Variants in SEPTIN9 observed in about 807,000 individuals in gnomAD.
SEPTIN9 encodes septin-9.
SEPTIN9 carries 13 observed loss-of-function variants against 56.6 expected under a neutral mutation model. The ratio of observed to expected loss-of-function variants is 0.23; its 90% CI spans 0.15 to 0.37. The LOEUF is 0.37. Ranked by LOEUF, SEPTIN9 falls within the 10% of genes least tolerant of loss-of-function variation. The probability of loss-of-function intolerance (pLI) is 1.00; values close to 1 mark genes in which losing one functional copy is unlikely to be tolerated. For synonymous variants in SEPTIN9, 332 were observed against 334.1 expected, an observed-to-expected ratio of 0.99 and a Z score of 0.07; for missense variants, 650 against 823.1, an observed-to-expected ratio of 0.79 and a Z score of 2.57.
In SEPTIN9 at chr17:77,498,676, C is replaced by CCCCGGAG; in HGVS notation, c.*20_*21insCGGAGCC. Reference sequence around the variant, plus strand: ...AGATGTAGACGCCACCCTGCCCACCCCCGGGATCCTGCCCCCAAGTCATTT... The same window carrying CCCCGGAG: ...AGATGTAGACGCCACCCTGCCCACCCCCCGGAGCCGGGATCCTGCCCCCAAGTCATTT... On this transcript the variant is annotated 3_prime_UTR_variant, in exon 12 of 12. Coordinates refer to ENST00000427177, the MANE Select transcript of SEPTIN9 (RefSeq NM_001113491.2). The CCCCGGAG allele has an allele frequency of 3.3e-6, 5 of 1,525,766 alleles. No individual in the cohort carries two copies. In the South Asian group the frequency reaches 3.5e-5, roughly 11 times the overall value. 94.5% of individuals were successfully genotyped at this position (1,525,766 alleles called of 1,614,324 possible).
intron 3 of SEPTIN9, chr17:77,404,981 G>C (rs2036015312): frequency 4.4e-5 from 50 of 1,136,592 alleles, no homozygotes; most frequent in Non-Finnish European, 5.9e-5. Context: ...CAGGACCTTT[G>C]TTTGACGTGC....
intron 2 of SEPTIN9, among the ~76,000 whole-genome samples, chr17:77,349,273 T>C (rs2033983654): frequency 6.6e-6 from 1 of 151,996 alleles, no homozygotes; most frequent in African/African-American, 2.4e-5. Context: ...TGTGCCATCA[T>C]ACCCAGCTAA....
chr17:77,410,574 C>T (rs2036258885), intron 3 of SEPTIN9, among the ~76,000 whole-genome samples: 1 of 152,234 alleles, frequency 6.6e-6, no homozygotes. Context: ...GCCTGGGCTG[C>T]CGCCCCTGCC....
At chr17:77,312,182 T>C (rs1188432710) in intron 2 of SEPTIN9, among the ~76,000 whole-genome samples, 2 of 152,116 alleles carry the variant, frequency 1.3e-5, no homozygotes, top group Non-Finnish European at 2.9e-5. Context: ...CTGTGGCTCC[T>C]TCCCCTCCAC....
chr17:77,363,324 G>A (rs762014476), intron 2 of SEPTIN9, among the ~76,000 whole-genome samples: 162 of 151,690 alleles, frequency 1.1e-3, no homozygotes, highest in Non-Finnish European at 2.1e-3. Context: ...CAATCTCAAA[G>A]TGGGCCACCC....
At chr17:77,303,569 G>C (rs182698695) in intron 1 of SEPTIN9, among the ~76,000 whole-genome samples, 1 of 151,746 alleles carries the variant, frequency 6.6e-6, no homozygotes, top group African/African-American at 2.4e-5. Flanking sequence ...AAAATTAGCC[G>C]GAGCGTGATG....
intron 1 of SEPTIN9, among the ~76,000 whole-genome samples, chr17:77,303,497 C>T (rs1437554664): frequency 2.0e-5 from 3 of 150,504 alleles, no homozygotes; most frequent in Non-Finnish European, 3.0e-5. Context: ...GGCAGATCAC[C>T]TGAGGTCAGT....
At position 77,367,321 on chromosome 17, in the gene SEPTIN9, A is replaced by C. The variant is rs1310235676; in HGVS notation, c.77-34738A>C. ...GTCTGCTTGGTGGCTGGCAGAACGC[A>C]CATGAAGAATCCATGTGTGTTCTGA... is the stretch of plus-strand genomic sequence containing the variant. On this transcript the variant is annotated intron_variant, in intron 2 of 11. Coordinates refer to ENST00000427177, the MANE Select transcript of SEPTIN9 (RefSeq NM_001113491.2). This position sits in a 1 kb window ranked among gnomAD's most constrained non-coding sequence, Gnocchi z 4.5. Among the ~76,000 whole-genome samples the C allele has an allele frequency of 6.6e-6, 1 of 152,212 alleles. No homozygotes were observed. Among genetic ancestry groups the C allele is most frequent in the Non-Finnish European group, 1.5e-5 (1 of 68,034 alleles).
rs114920936 is a variant in SEPTIN9, at chr17:77,392,890, G to C, written c.77-9169G>C. ...TTCCTGGCTTCCCTTTGCAGGCTCC[G>C]CTCAGCTTCACTGCGCCTATTTTTA... On this transcript the variant is annotated intron_variant, in intron 2 of 11. Coordinates refer to ENST00000427177, the MANE Select transcript of SEPTIN9 (RefSeq NM_001113491.2). Among the ~76,000 whole-genome samples the C allele has an allele frequency of 8.7e-3, 1,327 of 152,158 alleles. 18 individuals are homozygous for C. Among genetic ancestry groups the C allele is most frequent in the African/African-American group, 0.03 (1,264 of 41,494 alleles).
In SEPTIN9 at chr17:77,402,445, G is replaced by A. The variant is rs368314747; in HGVS notation, c.463G>A (p.Val155Ile). The stretch of plus-strand genomic sequence containing the variant: ...CCCTCGGAGGACGGAGATCACCATC[G>A]TCAAACCCCAGGAGTCAGCCCACCG... ...PAPRRTEITI[V>I]KPQESAHRRM... Residue 155 changes from valine to isoleucine, a missense_variant, in exon 3 of 12, where the codon GTC becomes ATC. Coordinates refer to ENST00000427177, the MANE Select transcript of SEPTIN9 (RefSeq NM_001113491.2). The surrounding 1 kb of genome is among the most constrained non-coding windows in gnomAD (Gnocchi z 6.6). The A allele has an allele frequency of 1.1e-5, 17 of 1,610,224 alleles. No individual in the cohort carries two copies. In the South Asian group the frequency reaches 1.4e-4, roughly 14 times the overall value.
chr17:77,315,413 G>C (rs2032660528), intron 2 of SEPTIN9, among the ~76,000 whole-genome samples: 1 of 151,922 alleles, frequency 6.6e-6, no homozygotes, highest in African/African-American at 2.4e-5. Flanking sequence ...TCAGCCTTCT[G>C]AATAGCTGGG....
rs531762673 is a variant in SEPTIN9 at position 77,396,519 on chromosome 17, C to A, written c.77-5540C>A. ...TGTAAAGTGACAAGGACCTGCTACCCCTGGGCAGGTTATGCCGGTTCCACT... is the reference window on the plus strand; with the variant it reads ...TGTAAAGTGACAAGGACCTGCTACCACTGGGCAGGTTATGCCGGTTCCACT... On this transcript the variant is annotated intron_variant, in intron 2 of 11. Coordinates refer to ENST00000427177, the MANE Select transcript of SEPTIN9 (RefSeq NM_001113491.2). 9.0e-4 allele frequency among the ~76,000 whole-genome samples: 137 copies of A among 152,272 alleles called. 1 individual carries two copies. Among genetic ancestry groups the A allele is most frequent in the Non-Finnish European group, 7.6e-4 (52 of 68,030 alleles).
chr17:77,383,409 G>A (rs527339291), intron 2 of SEPTIN9, among the ~76,000 whole-genome samples: 1 of 152,154 alleles, frequency 6.6e-6, no homozygotes, highest in Non-Finnish European at 1.5e-5. Flanking sequence ...AGATTGGGCT[G>A]CTGAGGCTCC....
intron 3 of SEPTIN9, among the ~76,000 whole-genome samples, chr17:77,477,713 C>A (rs559794921): frequency 1.3e-3 from 203 of 152,236 alleles, no homozygotes; most frequent in Non-Finnish European, 2.4e-3. Context: ...GAGAGACTTG[C>A]AAAAAGTCAC....
At chr17:77,422,272 G>C (rs2036732460) in intron 3 of SEPTIN9, among the ~76,000 whole-genome samples, 1 of 152,234 alleles carries the variant, frequency 6.6e-6, no homozygotes, top group Non-Finnish European at 1.5e-5. Flanking sequence ...GCGTGGTCAG[G>C]CCTCTCGTGA....
At chr17:77,385,915 C>G (rs530328344) in intron 2 of SEPTIN9, among the ~76,000 whole-genome samples, 1 of 152,194 alleles carries the variant, frequency 6.6e-6, no homozygotes, top group Non-Finnish European at 1.5e-5. Flanking sequence ...ACTGCTGGCC[C>G]GAGCTAGTGT....
chr17:77,397,312 C>G (rs927372811), intron 2 of SEPTIN9, among the ~76,000 whole-genome samples: 2 of 152,174 alleles, frequency 1.3e-5, no homozygotes, highest in African/African-American at 4.8e-5. Flanking sequence ...CTGCTCTCAT[C>G]ACGTAGCCCT....
In SEPTIN9 at chr17:77,367,669, A is replaced by C. The variant is rs145996288; in HGVS notation, c.77-34390A>C. Among the ~76,000 whole-genome samples, 2,160 of 152,042 alleles carry C rather than the reference A, an allele frequency of 0.014. 60 individuals carry two copies. Among genetic ancestry groups the C allele is most frequent in the African/African-American group, 0.049 (2,045 of 41,434 alleles). On this transcript the variant is annotated intron_variant, in intron 2 of 11. Transcript: ENST00000427177. This position sits in a 1 kb window ranked among gnomAD's most constrained non-coding sequence, Gnocchi z 4.5. ...CATCTCTACTAAAAAAACAAAAATT[A>C]GCCGGGCATGGTAGCGGGTGCCTGT...
intron 2 of SEPTIN9, 66 bp downstream of exon 2, chr17:77,307,263 T>A: frequency 6.9e-7 from 1 of 1,450,424 alleles, no homozygotes; most frequent in South Asian, 1.1e-5. Flanking sequence ...GGTCCCTTCA[T>A]TCTGGTCTGG....
Sources: allele counts gnomAD v4.1 joint callset (sites outside exome capture counted in the v4.1 genomes callset), GRCh38; gene constraint gnomAD v4.1.1; non-coding constraint Gnocchi (gnomAD v3.1); transcripts MANE v1.5; gene names NCBI Gene and HGNC (gene_info 2026-07-23, HGNC 2026-07-21).